FOXP1: variants seen among roughly 807,000 people sequenced by gnomAD.
The protein encoded by FOXP1 is forkhead box protein P1.
In FOXP1, 15 loss-of-function variants were observed where a neutral mutation model predicts 98.2. The observed-to-expected ratio is 0.15, with a 90% CI of 0.10 to 0.24. The LOEUF (loss-of-function observed/expected upper bound fraction) is 0.24, where lower values mean the gene tolerates loss of function less well. Ranked by LOEUF, FOXP1 falls within the 10% of genes least tolerant of loss-of-function variation. The probability of loss-of-function intolerance (pLI) is 1.00; values close to 1 mark genes in which losing one functional copy is unlikely to be tolerated. For missense variants in FOXP1, 633 were observed against 848.5 expected (o/e 0.75, Z 3.15); for synonymous variants, 371 against 314.5 (o/e 1.18, Z -1.90).
intron 2 of FOXP1, among the ~76,000 whole-genome samples, chr3:71,548,075 ATGGGGCCTCATTCTT>A (rs2045501229): frequency 6.6e-6 from 1 of 152,186 alleles, no homozygotes; most frequent in South Asian, 2.1e-4. Context: ...GGGCCTCTCA[ATGGGGCCTCATTCTT>A]TGTCTCAAAG....
chr3:71,051,901 G>A (rs1378178553), intron 9 of FOXP1, among the ~76,000 whole-genome samples: 2 of 152,128 alleles, frequency 1.3e-5, no homozygotes, highest in East Asian at 1.9e-4. Context: ...ACTACCAAGC[G>A]TGGTGCATAT....
chr3:71,183,062 T>G (rs1366728455), intron 6 of FOXP1, among the ~76,000 whole-genome samples: 1 of 152,114 alleles, frequency 6.6e-6, no homozygotes, highest in Non-Finnish European at 1.5e-5. Flanking sequence ...AGATTTAGGG[T>G]GCATTTAATT....
At chr3:71,125,105 C>A (rs1353731409) in intron 6 of FOXP1, among the ~76,000 whole-genome samples, 1 of 152,184 alleles carries the variant, frequency 6.6e-6, no homozygotes, top group African/African-American at 2.4e-5. Flanking sequence ...TTCACCCATG[C>A]CTTGCCAATT....
chr3:71,372,292 G>A (rs1039036762), intron 3 of FOXP1, among the ~76,000 whole-genome samples: 1 of 151,808 alleles, frequency 6.6e-6, no homozygotes, highest in African/African-American at 2.4e-5. Flanking sequence ...AACGTGCTGA[G>A]ATTACAGGCG....
chr3:71,065,069 GCGGCCCGCGCCCCGCGCCCGCGCGCCC>G (rs1225476584), intron 7 of FOXP1: 1 of 143,878 alleles, frequency 7.0e-6, no homozygotes, highest in Non-Finnish European at 1.5e-5. Context: ...AATGGGCTCC[GCGGCCCGCGCCCCGCGCCCGCGCGCCC>G]CGGCCCCCTC....
intron 6 of FOXP1, among the ~76,000 whole-genome samples, chr3:71,133,783 T>C (rs1198505590): frequency 6.6e-6 from 1 of 152,058 alleles, no homozygotes; most frequent in East Asian, 1.9e-4. Context: ...ACACGTTACA[T>C]TGCACCTGAC....
rs1284386936 is a variant in FOXP1, at chr3:70,958,217, AAAG to A, written c.*1027_*1029del. 28 of 475,574 alleles carry A rather than the reference AAAG, an allele frequency of 5.9e-5. No individual in the cohort carries two copies. The Admixed American group carries it at 8.0e-4, about 14-fold the overall frequency. 29.5% of individuals were successfully genotyped at this position (475,574 alleles called of 1,614,324 possible). ...GCTGCAAAAAAAAAAAAAGAAAAGA[AAAG>A]AAAAAAAGAAAATCCGAAACACCCC... is the stretch of plus-strand genomic sequence containing the variant. On this transcript the variant is annotated 3_prime_UTR_variant, in exon 21 of 21. Transcript: ENST00000649528.
intron 4 of FOXP1, among the ~76,000 whole-genome samples, chr3:71,325,147 G>A (rs1347852070): frequency 4.0e-5 from 6 of 151,554 alleles, no homozygotes; most frequent in Admixed American, 4.0e-4. Context: ...CCACCTCCCG[G>A]GTTCAAGAGA....
chr3:71,285,693 C>A (rs980953663), intron 5 of FOXP1, among the ~76,000 whole-genome samples: 1 of 152,088 alleles, frequency 6.6e-6, no homozygotes, highest in East Asian at 1.9e-4. Flanking sequence ...CAACAGTCAA[C>A]TTTTTAACAG....
intron 6 of FOXP1, among the ~76,000 whole-genome samples, chr3:71,119,117 C>T (rs2058578274): frequency 6.6e-6 from 1 of 152,220 alleles, no homozygotes; most frequent in African/African-American, 2.4e-5. Context: ...ATTAGCTGTT[C>T]TTTAAGCTCA....
chr3:71,257,842 T>A (rs2068765079), intron 5 of FOXP1, among the ~76,000 whole-genome samples: 1 of 152,170 alleles, frequency 6.6e-6, no homozygotes, highest in Non-Finnish European at 1.5e-5. Context: ...ACCAGCTATG[T>A]GACCCAAACA....
At chr3:71,494,185 G>A (rs1198088540) in intron 2 of FOXP1, among the ~76,000 whole-genome samples, 1 of 152,132 alleles carries the variant, frequency 6.6e-6, no homozygotes, top group African/African-American at 2.4e-5. Flanking sequence ...ACCCGGTATG[G>A]TCTTCAGTCA....
intron 5 of FOXP1, among the ~76,000 whole-genome samples, chr3:71,290,514 C>T (rs1019921253): frequency 2.6e-5 from 4 of 152,162 alleles, no homozygotes; most frequent in African/African-American, 9.7e-5. Context: ...GGTCTCCCTG[C>T]CTATGACCTC....
At chr3:71,566,127 C>A (rs1297907204) in intron 2 of FOXP1, among the ~76,000 whole-genome samples, 1 of 152,178 alleles carries the variant, frequency 6.6e-6, no homozygotes, top group East Asian at 1.9e-4. Flanking sequence ...TCTGCCCGAG[C>A]CGCTCCTCAT....
chr3:70,991,715 G>A (rs2040628730), intron 13 of FOXP1, among the ~76,000 whole-genome samples: 1 of 152,192 alleles, frequency 6.6e-6, no homozygotes. Context: ...CAGAGGTAAA[G>A]GCTACTGTGG....
intron 6 of FOXP1, among the ~76,000 whole-genome samples, chr3:71,163,086 G>C (rs768050266): frequency 7.4e-4 from 113 of 152,320 alleles, no homozygotes; most frequent in Non-Finnish European, 1.0e-3. Context: ...CTTTGAGTTA[G>C]AGAACTTTGA....
chr3:71,227,574 T>C (rs1303231675), intron 5 of FOXP1, among the ~76,000 whole-genome samples: 1 of 152,142 alleles, frequency 6.6e-6, no homozygotes, highest in African/African-American at 2.4e-5. Context: ...TTATAAATCT[T>C]ACAGTCTGAC....
intron 7 of FOXP1, among the ~76,000 whole-genome samples, chr3:71,096,724 T>C (rs2056491018): frequency 6.6e-6 from 1 of 152,212 alleles, no homozygotes; most frequent in Non-Finnish European, 1.5e-5. Context: ...AGTGTTTTAA[T>C]GTAATACAAT....
At chr3:71,547,113 G>C (rs1033099298) in intron 2 of FOXP1, among the ~76,000 whole-genome samples, 1 of 152,276 alleles carries the variant, frequency 6.6e-6, no homozygotes, top group African/African-American at 2.4e-5. Context: ...ATACAAAAAG[G>C]TTCAAGGGGG....
Sources: allele counts gnomAD v4.1 joint callset (sites outside exome capture counted in the v4.1 genomes callset), GRCh38; gene constraint gnomAD v4.1.1; transcripts MANE v1.5; gene names NCBI Gene and HGNC (gene_info 2026-07-23, HGNC 2026-07-21).